The following STK32B variants were observed in gnomAD, a reference collection of about 807,000 sequenced individuals.
The protein encoded by STK32B is serine/threonine-protein kinase 32B.
In STK32B, 43 loss-of-function variants were observed where a neutral mutation model predicts 52.6. The observed-to-expected ratio is 0.82, with a 90% confidence interval of 0.64 to 1.05. STK32B has a LOEUF of 1.05. Ranked by LOEUF, STK32B falls within the 50% of genes least tolerant of loss-of-function variation. The pLI, the probability that STK32B is intolerant of heterozygous loss-of-function variation, is 0.00. For missense variants in STK32B, 621 were observed against 534.6 expected (o/e 1.16, Z -1.59); for synonymous variants, 238 against 204.3 (o/e 1.17, Z -1.41).
intron 6 of STK32B, among the ~76,000 whole-genome samples, chr4:5,437,520 A>G (rs1366901830): frequency 6.6e-6 from 1 of 152,198 alleles, no homozygotes; most frequent in East Asian, 1.9e-4. Context: ...CCCAATCTAA[A>G]TCCAGGATGA....
chr4:5,282,257 C>T (rs1045106697), intron 3 of STK32B, among the ~76,000 whole-genome samples: 3 of 152,130 alleles, frequency 2.0e-5, no homozygotes, highest in African/African-American at 7.2e-5. Flanking sequence ...TGGCCCTCTG[C>T]ATCTGCAGAG....
chr4:5,276,188 C>A (rs977430617), intron 3 of STK32B, among the ~76,000 whole-genome samples: 2 of 152,016 alleles, frequency 1.3e-5, no homozygotes, highest in Non-Finnish European at 2.9e-5. Flanking sequence ...GCTTGGGAGG[C>A]TTAGGCAGGA....
chr4:5,187,835 C>T (rs1490725823), intron 3 of STK32B, among the ~76,000 whole-genome samples: 4 of 152,240 alleles, frequency 2.6e-5, no homozygotes, highest in East Asian at 1.9e-4. Flanking sequence ...AAGCCAACTT[C>T]TGTGAGTTAG....
At chr4:5,411,868 C>G (rs1043142990) in intron 5 of STK32B, among the ~76,000 whole-genome samples, 2 of 152,086 alleles carry the variant, frequency 1.3e-5, no homozygotes, top group South Asian at 4.2e-4. Context: ...TGTAGCAGCC[C>G]AAACTGACTA....
In STK32B at chr4:5,410,122, G is replaced by A. The variant is rs1711539134; in HGVS notation, c.473-6723G>A. Among the ~76,000 whole-genome samples, 3 of 152,158 alleles carry A rather than the reference G, an allele frequency of 2.0e-5. No homozygotes were observed. The South Asian group carries it at 6.2e-4, about 32-fold the overall frequency. On this transcript the variant is annotated intron_variant, in intron 5 of 11. Coordinates refer to ENST00000282908, the MANE Select transcript of STK32B (RefSeq NM_018401.3). ...TTTGATCCTGTGTTGAACAGTGGCA[G>A]CCAATGTTACAATCAGCGCCCACGG...
intron 1 of STK32B, among the ~76,000 whole-genome samples, chr4:5,100,800 C>CCTGCTCTTTCTTTCCTTCCTT (rs1413801223): frequency 8.9e-6 from 1 of 112,502 alleles, no homozygotes; most frequent in Non-Finnish European, 1.9e-5. Context: ...TTATTCCTTC[C>CCTGCTCTTTCTTTCCTTCCTT]CCTTCCTTCC....
chr4:5,370,996 G>GTGTGTGTGTGTGTATATA (rs570241863), intron 4 of STK32B, among the ~76,000 whole-genome samples: 3 of 141,074 alleles, frequency 2.1e-5, no homozygotes, highest in African/African-American at 8.0e-5. Context: ...GTGTGTGTGT[G>GTGTGTGTGTGTGTATATA]TATATATATA....
At chr4:5,215,081 A>G (rs1723108231) in intron 3 of STK32B, among the ~76,000 whole-genome samples, 1 of 152,218 alleles carries the variant, frequency 6.6e-6, no homozygotes, top group Admixed American at 6.5e-5. Flanking sequence ...AGTTTTTTAG[A>G]TGGGAGCAAG....
the STK32B span, among the ~76,000 whole-genome samples, chr4:5,022,544 C>T: frequency 4.6e-5 from 7 of 152,290 alleles, no homozygotes; most frequent in Admixed American, 2.6e-4. Context: ...TTGGCTGCTC[C>T]GAATATTAAA....
chr4:5,067,650 A>C (rs1742474907), intron 1 of STK32B, among the ~76,000 whole-genome samples: 1 of 152,052 alleles, frequency 6.6e-6, no homozygotes, highest in African/African-American at 2.4e-5. Flanking sequence ...TTTTTATTTC[A>C]ATAGCTTTAA....
At chr4:5,285,635 G>A (rs556047042) in intron 3 of STK32B, among the ~76,000 whole-genome samples, 11 of 152,264 alleles carry the variant, frequency 7.2e-5, no homozygotes, top group African/African-American at 2.6e-4. Flanking sequence ...ATTGAGAAAT[G>A]TATGAAGGAA....
At chr4:5,094,540 G>A (rs1713274404) in intron 1 of STK32B, among the ~76,000 whole-genome samples, 1 of 152,146 alleles carries the variant, frequency 6.6e-6, no homozygotes, top group Non-Finnish European at 1.5e-5. Context: ...TGCAGACCCA[G>A]CTACTTGGGA....
At chr4:5,084,800 G>T (rs1052938424) in intron 1 of STK32B, among the ~76,000 whole-genome samples, 1 of 152,170 alleles carries the variant, frequency 6.6e-6, no homozygotes, top group African/African-American at 2.4e-5. Flanking sequence ...AACTGTCTCA[G>T]AGTGGAACTG....
chr4:5,060,185 C>G (rs1368019651), intron 1 of STK32B, among the ~76,000 whole-genome samples: 1 of 152,140 alleles, frequency 6.6e-6, no homozygotes, highest in Non-Finnish European at 1.5e-5. Context: ...AGGCTGGTCT[C>G]GAACTCCCAA....
intron 3 of STK32B, among the ~76,000 whole-genome samples, chr4:5,199,883 C>G (rs1055517148): frequency 2.0e-5 from 3 of 151,800 alleles, no homozygotes; most frequent in African/African-American, 7.3e-5. Context: ...GAGGGAAATA[C>G]TGCTTTTCCT....
chr4:5,389,866 A>G lies in STK32B; in HGVS notation c.435-8341A>G, dbSNP rs531838816. On this transcript the variant is annotated intron_variant, in intron 4 of 11. Coordinates refer to ENST00000282908, the MANE Select transcript of STK32B (RefSeq NM_018401.3). ...CTCCTGGATTATCCAGGTGGGCCCA[A>G]TGGAATCACAAGGCTCCTGCCAATG... 1.2e-4 allele frequency among the ~76,000 whole-genome samples: 18 copies of G among 152,336 alleles called. 1 individual carries two copies. The highest frequency in any genetic ancestry group is 3.9e-4 in the Admixed American group (6 of 15,306).
intron 11 of STK32B, among the ~76,000 whole-genome samples, chr4:5,495,551 C>T (rs1278422432): frequency 7.2e-5 from 11 of 152,186 alleles, no homozygotes; most frequent in Admixed American, 3.3e-4. Context: ...GTAGCTTGAT[C>T]GTCTGAAGCC....
chr4:5,380,054 G>A lies in STK32B; in HGVS notation c.435-18153G>A, dbSNP rs997914019. Among the ~76,000 whole-genome samples, 6 of 152,104 alleles carry A rather than the reference G, an allele frequency of 3.9e-5. No individual in the cohort carries two copies. The highest frequency in any genetic ancestry group is 8.8e-5 in the Non-Finnish European group (6 of 68,036). ...AGGCCCTGAGGAAAACCACTGCCTC[G>A]ATCACGGGGCTATGCTCACTGTGCA... is the stretch of plus-strand genomic sequence containing the variant. On this transcript the variant is annotated intron_variant, in intron 4 of 11. Coordinates refer to ENST00000282908, the MANE Select transcript of STK32B (RefSeq NM_018401.3). This position sits in a 1 kb window ranked among gnomAD's most constrained non-coding sequence, Gnocchi z 4.3.
intron 11 of STK32B, among the ~76,000 whole-genome samples, chr4:5,496,588 A>T (rs1720280572): frequency 6.7e-6 from 1 of 150,114 alleles, no homozygotes; most frequent in East Asian, 1.9e-4. Flanking sequence ...GGCACTCCCT[A>T]GTGAGATGAA....
Sources: gnomAD v4.1 joint callset for allele counts (sites outside exome capture counted in the v4.1 genomes callset) on GRCh38, gnomAD v4.1.1 for gene constraint, Gnocchi (gnomAD v3.1) non-coding constraint, MANE v1.5 for transcripts, NCBI Gene and HGNC (gene_info 2026-07-23, HGNC 2026-07-21) for gene names.